RAB10: variants seen among roughly 807,000 people sequenced by gnomAD.
RAB10 encodes RAB10, member RAS oncogene family.
RAB10 carries 5 observed loss-of-function variants against 25.7 expected under a neutral mutation model. That is an observed-to-expected ratio of 0.19 (90% confidence interval 0.10 to 0.41). The LOEUF is 0.41. Ranked by LOEUF, RAB10 falls within the 10% of genes least tolerant of loss-of-function variation. The pLI, the probability that RAB10 is intolerant of heterozygous loss-of-function variation, is 1.00. For synonymous variants in RAB10, 89 were observed against 86.4 expected (o/e 1.03, Z -0.16); for missense variants, 103 against 245.8 (o/e 0.42, Z 3.89).
At chr2:26,057,941 G>A (rs138156200) in intron 1 of RAB10, among the ~76,000 whole-genome samples, 39 of 152,204 alleles carry the variant, frequency 2.6e-4, no homozygotes, top group African/African-American at 8.9e-4. Context: ...TAGTTTTAAA[G>A]TCTCTCTGAA....
chr2:26,060,755 C>T (rs1243057422), intron 1 of RAB10, among the ~76,000 whole-genome samples: 1 of 152,142 alleles, frequency 6.6e-6, no homozygotes, highest in Non-Finnish European at 1.5e-5. Context: ...AAACCATGTT[C>T]TTTCTATCAC....
chr2:26,059,240 A>G (rs1433659008), intron 1 of RAB10, among the ~76,000 whole-genome samples: 2 of 152,184 alleles, frequency 1.3e-5, no homozygotes, highest in Admixed American at 1.3e-4. Context: ...AACAAACTTA[A>G]AGTTGGAGAT....
At chr2:26,084,187 ATC>A (rs1374587606) in intron 1 of RAB10, among the ~76,000 whole-genome samples, 1 of 152,146 alleles carries the variant, frequency 6.6e-6, no homozygotes, top group Non-Finnish European at 1.5e-5. Flanking sequence ...TTGCTCAAAT[ATC>A]TCTCAGTGCG....
At chr2:26,041,551 A>C (rs1325307339) in intron 1 of RAB10, among the ~76,000 whole-genome samples, 1 of 150,194 alleles carries the variant, frequency 6.7e-6, no homozygotes, top group Non-Finnish European at 1.5e-5. Context: ...CTCAAAAAAA[A>C]AAAAAAAAAA....
intron 1 of RAB10, among the ~76,000 whole-genome samples, chr2:26,069,940 C>G (rs1440460132): frequency 6.6e-6 from 1 of 152,144 alleles, no homozygotes; most frequent in African/African-American, 2.4e-5. Flanking sequence ...CTCCTGACCT[C>G]AAGTGATCTG....
chr2:26,089,522 T>G (rs953966855), intron 1 of RAB10, among the ~76,000 whole-genome samples: 2 of 152,178 alleles, frequency 1.3e-5, no homozygotes, highest in Non-Finnish European at 2.9e-5. Context: ...TTAGCCTCAT[T>G]TTTATTTCTA....
chr2:26,098,612 A>G lies in RAB10; in HGVS notation c.128-50A>G, dbSNP rs765100541. 1.1e-5 allele frequency: 15 copies of G among 1,362,870 alleles called. No homozygotes were observed. In the East Asian group the frequency reaches 3.3e-4, roughly 30 times the overall value. 84.4% of individuals were successfully genotyped at this position (1,362,870 alleles called of 1,614,324 possible). ...TTTTTACTGTGATTAATTTTAGTATAGCCAAATGTAAAGCCACAGTTACAG... is the reference window on the plus strand; with the variant it reads ...TTTTTACTGTGATTAATTTTAGTATGGCCAAATGTAAAGCCACAGTTACAG... On this transcript the variant is annotated intron_variant, in intron 1 of 5. Transcript: ENST00000264710.
intron 1 of RAB10, among the ~76,000 whole-genome samples, chr2:26,075,052 T>C (rs1666704665): frequency 6.6e-6 from 1 of 152,196 alleles, no homozygotes; most frequent in South Asian, 2.1e-4. Context: ...ATAAGATTAA[T>C]TGGTAGCTCT....
At chr2:26,129,268 CAAAAAAA>C (rs58007291) in intron 5 of RAB10, among the ~76,000 whole-genome samples, 42 of 133,598 alleles carry the variant, frequency 3.1e-4, no homozygotes, top group Admixed American at 5.9e-4. Context: ...GACTCCATCT[CAAAAAAA>C]AAAAAAAAAA....
At chr2:26,043,470 C>T (rs535405784) in intron 1 of RAB10, among the ~76,000 whole-genome samples, 1 of 152,232 alleles carries the variant, frequency 6.6e-6, no homozygotes, top group East Asian at 1.9e-4. Flanking sequence ...TGTACACCAG[C>T]ATTCATAGTA....
chr2:26,098,302 AGTATTTTT>A (rs1159758327), intron 1 of RAB10, among the ~76,000 whole-genome samples: 1 of 151,096 alleles, frequency 6.6e-6, no homozygotes, highest in African/African-American at 2.4e-5. Flanking sequence ...TTGTGTTTTT[AGTATTTTT>A]GTATTTTTAG....
At chr2:26,055,333 A>G (rs56779583) in intron 1 of RAB10, among the ~76,000 whole-genome samples, 234 of 150,572 alleles carry the variant, frequency 1.6e-3, no homozygotes, top group African/African-American at 5.4e-3. Context: ...TTAAGTCACT[A>G]TTTTTGTTTT....
intron 1 of RAB10, among the ~76,000 whole-genome samples, chr2:26,052,470 A>G (rs956244956): frequency 1.7e-5 from 2 of 114,548 alleles, no homozygotes; most frequent in Non-Finnish European, 3.6e-5. Context: ...CCGTGAGCCA[A>G]TTTTTTTTTT....
At chr2:26,105,077 C>T (rs1179735925) in intron 2 of RAB10, among the ~76,000 whole-genome samples, 2 of 152,072 alleles carry the variant, frequency 1.3e-5, no homozygotes, top group Admixed American at 1.3e-4. Context: ...GGTAGAGGTC[C>T]AACTTACTTC....
chr2:26,056,058 AT>A (rs1394004465), intron 1 of RAB10, among the ~76,000 whole-genome samples: 1 of 151,494 alleles, frequency 6.6e-6, no homozygotes, highest in Non-Finnish European at 1.5e-5. Flanking sequence ...CCACACCTGG[AT>A]TAGTTTTTTT....
intron 2 of RAB10, chr2:26,101,341 C>G (rs1222130275): frequency 6.6e-6 from 1 of 152,240 alleles, no homozygotes; most frequent in East Asian, 1.9e-4. Flanking sequence ...CAGCTGGAGC[C>G]TGGGTCTTCT....
chr2:26,114,727 C>CAAAAAAAAAAAAA (rs1667645248), intron 3 of RAB10, among the ~76,000 whole-genome samples: 1 of 81,466 alleles, frequency 1.2e-5, no homozygotes, highest in African/African-American at 6.9e-5. Context: ...CCCATCTCTA[C>CAAAAAAAAAAAAA]AAAAATATAC....
chr2:26,044,990 T>G (rs961495679), intron 1 of RAB10, among the ~76,000 whole-genome samples: 1 of 151,814 alleles, frequency 6.6e-6, no homozygotes, highest in Non-Finnish European at 1.5e-5. Context: ...TGTGGTTTTG[T>G]TTTTGTTTTT....
At chr2:26,081,975 C>T (rs867738720) in intron 1 of RAB10, among the ~76,000 whole-genome samples, 71 of 151,764 alleles carry the variant, frequency 4.7e-4, no homozygotes, top group African/African-American at 1.6e-3. Context: ...AAAATTATTC[C>T]GGATGGAAAT....
Sources: gnomAD v4.1 joint callset for allele counts (sites outside exome capture counted in the v4.1 genomes callset) on GRCh38, gnomAD v4.1.1 for gene constraint, MANE v1.5 for transcripts, NCBI Gene and HGNC (gene_info 2026-07-23, HGNC 2026-07-21) for gene names.